Variants in TENM4 observed in about 807,000 individuals in gnomAD.
TENM4 encodes teneurin transmembrane protein 4.
TENM4 carries 82 observed loss-of-function variants against 243.3 expected under a neutral mutation model. The observed-to-expected ratio is 0.34, with a 90% confidence interval of 0.28 to 0.40. The LOEUF (loss-of-function observed/expected upper bound fraction) is 0.40, where lower values mean the gene tolerates loss of function less well. Among genes scored for constraint, TENM4 ranks in the 10% least tolerant of loss-of-function variants. The pLI, the probability that TENM4 is intolerant of heterozygous loss-of-function variation, is 1.00. For synonymous variants in TENM4, 1,412 were observed against 1,456.3 expected, an observed-to-expected ratio of 0.97 and a Z score of 0.69; for missense variants, 3,138 against 3,673.3, an observed-to-expected ratio of 0.85 and a Z score of 3.77.
intron 3 of TENM4, among the ~76,000 whole-genome samples, chr11:79,203,917 A>C (rs1368036559): frequency 6.6e-6 from 1 of 152,282 alleles, no homozygotes; most frequent in Admixed American, 6.5e-5. Flanking sequence ...GTACTAACAC[A>C]TACTACAACC....
chr11:78,722,031 G>C (rs1332934255), intron 24 of TENM4, among the ~76,000 whole-genome samples: 1 of 152,172 alleles, frequency 6.6e-6, no homozygotes, highest in Admixed American at 6.5e-5. Flanking sequence ...GGCTGACTCA[G>C]CTGCTTCTGC....
intron 6 of TENM4, among the ~76,000 whole-genome samples, chr11:79,041,710 G>A (rs1859537813): frequency 6.6e-6 from 1 of 152,158 alleles, no homozygotes; most frequent in Non-Finnish European, 1.5e-5. Context: ...CTTGGTTGGT[G>A]GAAGTTAAAA....
At chr11:79,047,292 A>G (rs942161116) in intron 6 of TENM4, among the ~76,000 whole-genome samples, 1 of 152,182 alleles carries the variant, frequency 6.6e-6, no homozygotes, top group Non-Finnish European at 1.5e-5. Context: ...CATCAGATCT[A>G]CTTAAAAGGT....
chr11:79,021,662 T>A (rs1300219329), intron 6 of TENM4: 1 of 152,304 alleles, frequency 6.6e-6, no homozygotes, highest in South Asian at 2.1e-4. Flanking sequence ...GACTTGGAAG[T>A]TGGGCTGGCT....
At chr11:79,196,014 G>A (rs930627902) in intron 3 of TENM4, among the ~76,000 whole-genome samples, 3 of 152,102 alleles carry the variant, frequency 2.0e-5, no homozygotes, top group African/African-American at 7.2e-5. Context: ...TAAGCCTCAC[G>A]AGATCTGATG....
intron 12 of TENM4, among the ~76,000 whole-genome samples, chr11:78,837,179 C>T (rs1858138647): frequency 2.0e-5 from 3 of 152,070 alleles, no homozygotes; most frequent in African/African-American, 7.2e-5. Flanking sequence ...TGGGAGGGAC[C>T]CGGTGGGAGA....
chr11:79,302,953 T>C (rs1296384923), intron 1 of TENM4, among the ~76,000 whole-genome samples: 2 of 152,048 alleles, frequency 1.3e-5, no homozygotes, highest in East Asian at 3.9e-4. Context: ...TAGAAGGAGG[T>C]CAGCAGGTCA....
At chr11:79,087,302 C>T (rs531074545) in intron 4 of TENM4, among the ~76,000 whole-genome samples, 16 of 152,252 alleles carry the variant, frequency 1.1e-4, no homozygotes, top group South Asian at 2.1e-4. Context: ...CCATGCATTC[C>T]GAGGGTGAGA....
chr11:79,379,520 C>T (rs779093838), intron 1 of TENM4, among the ~76,000 whole-genome samples: 10 of 152,114 alleles, frequency 6.6e-5, no homozygotes, highest in Non-Finnish European at 1.2e-4. Flanking sequence ...GATGGAGAGA[C>T]GGATGGGTTC....
At chr11:78,956,585 T>A (rs1857210765) in intron 6 of TENM4, among the ~76,000 whole-genome samples, 1 of 152,238 alleles carries the variant, frequency 6.6e-6, no homozygotes, top group African/African-American at 2.4e-5. Flanking sequence ...TATCATGCTG[T>A]CTAGTTTTCA....
intron 4 of TENM4, among the ~76,000 whole-genome samples, chr11:79,144,176 G>T (rs72935328): frequency 6.6e-6 from 1 of 151,898 alleles, no homozygotes. Flanking sequence ...GAAGACATAC[G>T]GATGGCAAAC....
At chr11:79,135,733 T>A (rs1049491319) in intron 4 of TENM4, among the ~76,000 whole-genome samples, 10 of 138,602 alleles carry the variant, frequency 7.2e-5, no homozygotes, top group African/African-American at 2.4e-4. Context: ...ACATATATGA[T>A]ATATACATCA....
At chr11:78,697,065 C>T (rs561347003) in intron 28 of TENM4, among the ~76,000 whole-genome samples, 5 of 152,226 alleles carry the variant, frequency 3.3e-5, no homozygotes, top group African/African-American at 1.2e-4. Flanking sequence ...CCCAGGTCGA[C>T]CACAAAGGAC....
Position 78,657,979 on chromosome 11 carries a change from T to C in TENM4, c.*79A>G. The C allele has an allele frequency of 6.2e-7, 1 of 1,605,924 alleles. No homozygotes were observed. Among genetic ancestry groups the C allele is most frequent in the Non-Finnish European group, 8.5e-7 (1 of 1,173,642 alleles). ...TTTCTGCACTTGTTAAAAAATCATT[T>C]TTTTAAAAGTACAACACAGTCAGGT... On this transcript the variant is annotated 3_prime_UTR_variant, in exon 34 of 34. Transcript: ENST00000278550.
At chr11:78,767,433 C>T (rs1181566239) in intron 18 of TENM4, among the ~76,000 whole-genome samples, 2 of 152,196 alleles carry the variant, frequency 1.3e-5, no homozygotes, top group Admixed American at 6.5e-5. Context: ...ACTCACACTA[C>T]ACTTCTAGGT....
At chr11:79,416,877 CA>C (rs139883102) in intron 1 of TENM4, among the ~76,000 whole-genome samples, 12 of 145,520 alleles carry the variant, frequency 8.2e-5, no homozygotes, top group South Asian at 2.2e-4. Flanking sequence ...CAGACAATGG[CA>C]AAAAAAAAAG....
chr11:78,726,537 C>G (rs976670826), intron 22 of TENM4, among the ~76,000 whole-genome samples: 28 of 152,178 alleles, frequency 1.8e-4, no homozygotes, highest in African/African-American at 6.0e-4. Context: ...TTCTGTGTTC[C>G]CAACCCAAAT....
intron 27 of TENM4, among the ~76,000 whole-genome samples, chr11:78,705,047 C>T (rs546897186): frequency 9.2e-5 from 14 of 152,356 alleles, no homozygotes; most frequent in South Asian, 2.1e-4. Context: ...ACACTCCCCT[C>T]GCTCTCTGGG....
intron 19 of TENM4, among the ~76,000 whole-genome samples, chr11:78,738,924 C>A (rs532282015): frequency 6.6e-6 from 1 of 152,028 alleles, no homozygotes; most frequent in African/African-American, 2.4e-5. Context: ...GGGGTCTAAT[C>A]TTGGCTCTGC....
Sources: allele counts gnomAD v4.1 joint callset (sites outside exome capture counted in the v4.1 genomes callset), GRCh38; gene constraint gnomAD v4.1.1; transcripts MANE v1.5; gene names NCBI Gene and HGNC (gene_info 2026-07-23, HGNC 2026-07-21).